Variants in GNAT2 observed in about 807,000 individuals in gnomAD.
GNAT2 encodes guanine nucleotide-binding protein G(t) subunit alpha-2.
Under a neutral mutation model 40.9 loss-of-function variants are expected in GNAT2, and 32 were observed. That is an observed-to-expected ratio of 0.78 (90% CI 0.59 to 1.05). The LOEUF (loss-of-function observed/expected upper bound fraction) is 1.05. Among genes scored for constraint, GNAT2 ranks in the 50% least tolerant of loss-of-function variants. The pLI, the probability that GNAT2 is intolerant of heterozygous loss-of-function variation, is 0.00. For missense variants in GNAT2, 355 were observed against 431.5 expected (o/e 0.82, Z 1.57); for synonymous variants, 141 against 157.2 (o/e 0.90, Z 0.77).
intron 7 of GNAT2, 131 bp downstream of exon 7, chr1:109,605,837 CAT>C (rs1236162391): frequency 1.2e-6 from 1 of 800,598 alleles, no homozygotes; most frequent in Admixed American, 1.8e-5. Context: ...TTGCATGAGA[CAT>C]TGATTGGTCT....
Position 109,608,359 on chromosome 1 carries a change from G to A in GNAT2, c.461+272C>T, listed in dbSNP as rs140468839. 6.5e-5 allele frequency: 33 copies of A among 508,074 alleles called. No individual in the cohort carries two copies. The East Asian group carries it at 9.4e-4, about 15-fold the overall frequency. 31.5% of individuals were successfully genotyped at this position (508,074 alleles called of 1,614,324 possible). On this transcript the variant is annotated intron_variant, in intron 5 of 8. Transcript: ENST00000679935. ...GGCTGAGGGCTACTAGGCAGAACAC[G>A]TCTTTTGAATTTTGCATCTTCAGCC...
chr1:109,605,546 C>T, intron 7 of GNAT2: 1 of 297,858 alleles, frequency 3.4e-6, no homozygotes. Flanking sequence ...CTAGCTCAAC[C>T]CTTCTATTAT....
intron 4 of GNAT2, chr1:109,609,018 A>G (rs1191091265): frequency 3.5e-6 from 2 of 566,012 alleles, no homozygotes; most frequent in East Asian, 3.1e-5. Context: ...AAAGCGGGGC[A>G]GGGGTCCCAG....
Position 109,607,437 on chromosome 1 carries a change from C to T in GNAT2, c.462-1001G>A, listed in dbSNP as rs189884934. 9.3e-5 allele frequency: 12 copies of T among 128,520 alleles called. 1 individual carries two copies. Among genetic ancestry groups the T allele is most frequent in the South Asian group, 5.3e-4 (2 of 3,766 alleles). 8.0% of individuals were successfully genotyped at this position (128,520 alleles called of 1,614,324 possible). On this transcript the variant is annotated intron_variant, in intron 5 of 8. Transcript: ENST00000679935. Reference sequence around the variant, plus strand: ...CTGCACTCCAGCCTGGGTGACAAAGCGAGACTCCGTCTCCAAAAAAAAAAA... The same window carrying T: ...CTGCACTCCAGCCTGGGTGACAAAGTGAGACTCCGTCTCCAAAAAAAAAAA...
intron 7 of GNAT2, chr1:109,605,581 T>G: frequency 6.2e-6 from 2 of 324,698 alleles, no homozygotes; most frequent in Non-Finnish European, 1.2e-5. Flanking sequence ...TCATATCATA[T>G]GTTATTTTCT....
At position 109,607,714 on chromosome 1, in the gene GNAT2, G is replaced by A. The variant is rs1649654395; in HGVS notation, c.461+917C>T. 3.9e-5 allele frequency: 6 copies of A among 152,336 alleles called. 2 individuals are homozygous for A. The South Asian group carries it at 1.2e-3, about 32-fold the overall frequency. 9.4% of individuals were successfully genotyped at this position (152,336 alleles called of 1,614,324 possible). The stretch of plus-strand genomic sequence containing the variant: ...TGTAGTCAAGCAGCCCAATGCAAAT[G>A]CAGTCTCTGCTATTTATCTACATGA... On this transcript the variant is annotated intron_variant, in intron 5 of 8. Transcript: ENST00000679935.
At chr1:109,607,451 C>CCAAAAAAAAAAA in intron 5 of GNAT2, 1 of 126,782 alleles carries the variant, frequency 7.9e-6, no homozygotes, top group South Asian at 2.5e-4. Flanking sequence ...ACTCCGTCTC[C>CCAAAAAAAAAAA]AAAAAAAAAA....
chr1:109,608,011 C>A, intron 5 of GNAT2: 1 of 166,960 alleles, frequency 6.0e-6, no homozygotes, highest in Non-Finnish European at 1.3e-5. Flanking sequence ...CCCATACTGT[C>A]TGAGGTAGGA....
At chr1:109,607,450 C>CAAAAAAAAAAA (rs1436761505) in intron 5 of GNAT2, 14 of 67,692 alleles carry the variant, frequency 2.1e-4, no homozygotes, top group Non-Finnish European at 3.9e-4. Context: ...GACTCCGTCT[C>CAAAAAAAAAAA]CAAAAAAAAA....
intron 1 of GNAT2, chr1:109,617,715 G>T: frequency 6.6e-6 from 1 of 152,406 alleles, no homozygotes. Flanking sequence ...GGTTTGCCTG[G>T]GCTGGGTGGA....
rs1409655678 is a variant in GNAT2 at position 109,603,208 on chromosome 1, A to G, written c.*146T>C. The G allele has an allele frequency of 8.8e-6, 6 of 680,162 alleles. No homozygotes were observed. Among genetic ancestry groups the G allele is most frequent in the Non-Finnish European group, 1.6e-5 (6 of 373,790 alleles). The allele number at this position is 680,162 out of a possible 1,614,324, so 42.1% of individuals were successfully genotyped here. A position where few individuals can be genotyped will look rare whatever the true frequency, so the allele number is the denominator to read the frequency against. ...AGCTATCCCACTTTGAAAAGAACGT[A>G]TGAAATACAGTTGCAGTCATGTATA... On this transcript the variant is annotated 3_prime_UTR_variant, in exon 9 of 9. Coordinates refer to ENST00000679935, the MANE Select transcript of GNAT2 (RefSeq NM_001377295.2).
At chr1:109,619,321 G>A (rs1553227688) in intron 1 of GNAT2, among the ~76,000 whole-genome samples, 162 bp downstream of exon 1, 1 of 152,218 alleles carries the variant, frequency 6.6e-6, no homozygotes, top group Non-Finnish European at 1.5e-5. Context: ...TTTTACAGAC[G>A]AAATAGAAGC....
intron 5 of GNAT2, chr1:109,608,326 G>A: frequency 2.3e-6 from 1 of 433,132 alleles, no homozygotes; most frequent in Non-Finnish European, 4.3e-6. Flanking sequence ...CCTCAATTAA[G>A]AGAACAGGGC....
In GNAT2 at chr1:109,608,657, T is replaced by C; in HGVS notation, c.435A>G (p.Glu145=). 1 of 1,614,114 alleles carries C rather than the reference T, an allele frequency of 6.2e-7. No individual in the cohort carries two copies. The highest frequency in any genetic ancestry group is 8.5e-7 in the Non-Finnish European group (1 of 1,179,962). The change falls in exon 5 of 9, where the codon GAA becomes GAG. Residue 145 remains glutamate (E), a synonymous_variant. Coordinates refer to ENST00000679935, the MANE Select transcript of GNAT2 (RefSeq NM_001377295.2). Reference sequence around the variant, plus strand: ...AAGATGCGGAGTCATTAAGCTGGTATTCTGCAGCTCTCTCGAAGCAGGCTT... The same window carrying C: ...AAGATGCGGAGTCATTAAGCTGGTACTCTGCAGCTCTCTCGAAGCAGGCTT... ...GVQACFERAA[E]YQLNDSASYY... is the part of the protein sequence containing the mutation.
Position 109,606,059 on chromosome 1 carries a change from A to G in GNAT2, c.631T>C (p.Trp211Arg). 1 of 1,613,622 alleles carries G rather than the reference A, an allele frequency of 6.2e-7. No homozygotes were observed. The highest frequency in any genetic ancestry group is 8.5e-7 in the Non-Finnish European group (1 of 1,179,498). Residue 211 changes from tryptophan to arginine, a missense_variant, in exon 7 of 9, where the codon TGG (tryptophan) becomes CGG (arginine). Transcript: ENST00000679935. Reference protein sequence around the residue: ...VGGQRSERKKWIHCFEGVTCI... With the variant: ...VGGQRSERKKRIHCFEGVTCI... ...GTGACTCCCTCGAAGCAGTGGATCCACTTCTTTCTCTCGGATCTCTGCCCT... is the reference window on the plus strand; with the variant it reads ...GTGACTCCCTCGAAGCAGTGGATCCGCTTCTTTCTCTCGGATCTCTGCCCT...
At chr1:109,612,448 A>G (rs570762807) in intron 2 of GNAT2, 30 of 392,808 alleles carry the variant, frequency 7.6e-5, no homozygotes, top group South Asian at 2.4e-4. Flanking sequence ...CTTGAAGCCA[A>G]AAGGATGTGT....
chr1:109,616,670 A>G (rs995177704), intron 1 of GNAT2: 2 of 152,264 alleles, frequency 1.3e-5, no homozygotes, highest in African/African-American at 4.8e-5. Flanking sequence ...AAAGGCAATC[A>G]AACACACATC....
chr1:109,610,177 T>C lies in GNAT2; in HGVS notation c.166A>G (p.Ile56Val). The part of the protein sequence containing the change: ...KSTIVKQMKI[I>V]HQDGYSPEEC... The stretch of plus-strand genomic sequence containing the variant: ...TCTGGTGAATAGCCATCCTGGTGAA[T>C]GATCCTGCAAGGGGCAGACACTCTG... The change falls in exon 4 of 9, where the codon ATT becomes GTT. Residue 56 changes from isoleucine to valine, a missense_variant. Coordinates refer to ENST00000679935, the MANE Select transcript of GNAT2 (RefSeq NM_001377295.2). The C allele has an allele frequency of 6.2e-7, 1 of 1,614,126 alleles. No individual in the cohort carries two copies. The highest frequency in any genetic ancestry group is 2.2e-5 in the East Asian group (1 of 44,886).
chr1:109,612,371 C>A, intron 2 of GNAT2: 1 of 331,224 alleles, frequency 3.0e-6, no homozygotes, highest in Non-Finnish European at 5.9e-6. Flanking sequence ...AGGGAAGGTC[C>A]TGTTCTCTTC....
Sources: allele counts gnomAD v4.1 joint callset (sites outside exome capture counted in the v4.1 genomes callset), GRCh38; gene constraint gnomAD v4.1.1; transcripts MANE v1.5; gene names NCBI Gene and HGNC (gene_info 2026-07-23, HGNC 2026-07-21).